The following HNRNPL variants were observed in gnomAD, a reference collection of about 807,000 sequenced individuals.
HNRNPL encodes heterogeneous nuclear ribonucleoprotein L.
HNRNPL carries 12 observed loss-of-function variants against 64.0 expected under a neutral mutation model. That is an observed-to-expected ratio of 0.19 (90% confidence interval 0.12 to 0.30). HNRNPL has a LOEUF of 0.30. HNRNPL is among the 10% of genes least tolerant of loss of function. HNRNPL has a pLI of 1.00. For missense variants in HNRNPL, 484 were observed against 797.4 expected (o/e 0.61, Z 4.73); for synonymous variants, 385 against 313.0 (o/e 1.23, Z -2.43).
chr19:38,838,703 T>C (rs969634826), intron 9 of HNRNPL, 105 bp from the exon 10 acceptor site: 5 of 1,339,138 alleles, frequency 3.7e-6, no homozygotes, highest in South Asian at 3.7e-5. Context: ...CCTTGGGGCA[T>C]TGCTCTACAC....
intron 6 of HNRNPL, chr19:38,841,621 G>A (rs961038979): frequency 1.6e-6 from 2 of 1,267,768 alleles, no homozygotes; most frequent in Non-Finnish European, 2.1e-6. Flanking sequence ...ACCATTGGAC[G>A]CTTCAACAGT....
At chr19:38,845,423 C>T (rs191999029) in intron 4 of HNRNPL, 49 of 528,736 alleles carry the variant, frequency 9.3e-5, no homozygotes, top group Admixed American at 3.5e-4. Flanking sequence ...AAATAAATTC[C>T]TTTGTATCTC....
chr19:38,839,533 C>G (rs963259305), intron 8 of HNRNPL: 4 of 172,050 alleles, frequency 2.3e-5, no homozygotes, highest in African/African-American at 9.6e-5. Context: ...AGAAATTACA[C>G]AGGTCACTAC....
intron 4 of HNRNPL, chr19:38,845,442 C>G: frequency 1.7e-6 from 1 of 587,028 alleles, no homozygotes. Context: ...TCCCAACACA[C>G]TGCTCTCTCC....
intron 1 of HNRNPL, among the ~76,000 whole-genome samples, chr19:38,847,798 C>T (rs932405345): frequency 3.3e-5 from 5 of 152,212 alleles, no homozygotes; most frequent in Non-Finnish European, 5.9e-5. Context: ...AAAGGAGATA[C>T]ACTGGCAGCA....
At position 38,845,612 on chromosome 19, in the gene HNRNPL, C is replaced by T. The variant is rs751977648; in HGVS notation, c.710+38G>A. Reference sequence around the variant, plus strand: ...GCCACTGTCAAGCCCTGCAAGAGTCCCTACCCTAAGGAACACCTGTTTTCC... The same window carrying T: ...GCCACTGTCAAGCCCTGCAAGAGTCTCTACCCTAAGGAACACCTGTTTTCC... On this transcript the variant is annotated intron_variant, in intron 4 of 12. Coordinates refer to ENST00000221419, the MANE Select transcript of HNRNPL (RefSeq NM_001533.3). 2.6e-6 allele frequency: 4 copies of T among 1,532,166 alleles called. No individual in the cohort carries two copies. The South Asian group carries it at 3.4e-5, about 13-fold the overall frequency. 94.9% of individuals were successfully genotyped at this position (1,532,166 alleles called of 1,614,324 possible).
intron 8 of HNRNPL, 22 bp downstream of exon 8, chr19:38,840,074 A>T: frequency 6.2e-7 from 1 of 1,612,220 alleles, no homozygotes; most frequent in Non-Finnish European, 8.5e-7. Context: ...CGAGGAACCC[A>T]GGGGGCCCGG....
intron 1 of HNRNPL, among the ~76,000 whole-genome samples, chr19:38,848,047 G>A (rs1345642855): frequency 6.6e-6 from 1 of 152,154 alleles, no homozygotes; most frequent in Non-Finnish European, 1.5e-5. Context: ...ATCTGCTTTG[G>A]AAATTACTGC....
chr19:38,844,817 T>C (rs1209120435), intron 4 of HNRNPL: 1 of 151,782 alleles, frequency 6.6e-6, no homozygotes, highest in Non-Finnish European at 1.5e-5. Flanking sequence ...GCTCAAGCGA[T>C]TCTCCTGCCT....
upstream of HNRNPL, among the ~76,000 whole-genome samples, chr19:38,850,877 TG>T (rs1463647533): frequency 2.6e-5 from 4 of 152,344 alleles, no homozygotes; most frequent in Non-Finnish European, 5.9e-5. Context: ...CAGTTTCCCT[TG>T]GGAGAAGGCT....
At chr19:38,848,984 C>T (rs1277305451) in intron 1 of HNRNPL, among the ~76,000 whole-genome samples, 2 of 152,018 alleles carry the variant, frequency 1.3e-5, no homozygotes, top group Admixed American at 1.3e-4. Context: ...CTGGTGTTTT[C>T]GGAGGGACTG....
chr19:38,841,417 C>T (rs1467494970), intron 6 of HNRNPL: 1 of 365,128 alleles, frequency 2.7e-6, no homozygotes, highest in Non-Finnish European at 5.4e-6. Flanking sequence ...AGTCACAAAG[C>T]AAGACAGTGG....
In HNRNPL at chr19:38,836,631, C is replaced by T. The variant is rs572631534; in HGVS notation, c.*91G>A. On this transcript the variant is annotated 3_prime_UTR_variant, in exon 13 of 13. Coordinates refer to ENST00000221419, the MANE Select transcript of HNRNPL (RefSeq NM_001533.3). Reference sequence around the variant, plus strand: ...AAAAAAAAAAAAAAAAAAAGGAATACAAGATCTTTTGCAAATAACAAAAAC... The same window carrying T: ...AAAAAAAAAAAAAAAAAAAGGAATATAAGATCTTTTGCAAATAACAAAAAC... The T allele has an allele frequency of 9.1e-5, 25 of 274,732 alleles. No homozygotes were observed. The highest frequency in any genetic ancestry group is 1.5e-4 in the Non-Finnish European group (24 of 155,364). The allele number at this position is 274,732 out of a possible 1,614,324, so 17.0% of individuals were successfully genotyped here.
chr19:38,840,316 G>A lies in HNRNPL; in HGVS notation c.1013C>T (p.Pro338Leu). 1 of 1,549,894 alleles carries A rather than the reference G, an allele frequency of 6.5e-7. No homozygotes were observed. Among genetic ancestry groups the A allele is most frequent in the Non-Finnish European group, 8.8e-7 (1 of 1,142,464 alleles). Residue 338 changes from proline to leucine, a missense_variant, in exon 8 of 13, where the codon CCT (proline) becomes CTT (leucine). Physicochemically the swap from Pro to Leu is moderately conservative, Grantham distance 98. This residue lies in a region of HNRNPL where 46 missense variants were observed against 37.4 expected (regional missense o/e 1.23). Transcript: ENST00000221419. ...YHDEGYGPPP[P>L]HYEGRRMGPP... ...ACCCATCCTTCTCCCTTCGTAGTGAGGTGGGGGGGGCCCGTAGCCCTCATC... is the reference window on the plus strand; with the variant it reads ...ACCCATCCTTCTCCCTTCGTAGTGAAGTGGGGGGGGCCCGTAGCCCTCATC...
At position 38,843,926 on chromosome 19, in the gene HNRNPL, G is replaced by C. The variant is rs184836083; in HGVS notation, c.808-12C>G. The C allele has an allele frequency of 6.2e-7, 1 of 1,614,012 alleles. No homozygotes were observed. Among genetic ancestry groups the C allele is most frequent in the African/African-American group, 1.3e-5 (1 of 75,052 alleles). ...TTCAAGCGTGTAGGCTGCAAGGACA[G>C]GACAAGACAAGACTTGAGGTCAGCC... On this transcript the variant is annotated splice_polypyrimidine_tract_variant and intron_variant, in intron 5 of 12. Transcript: ENST00000221419.
chr19:38,841,758 T>TA, intron 6 of HNRNPL: 1 of 583,340 alleles, frequency 1.7e-6, no homozygotes, highest in Non-Finnish European at 2.9e-6. Context: ...AGAATTGTTT[T>TA]AAAAGTCAAT....
chr19:38,836,854 AC>A, intron 12 of HNRNPL, 74 bp from the exon 13 acceptor site: 2 of 1,107,508 alleles, frequency 1.8e-6, no homozygotes, highest in Non-Finnish European at 2.7e-6. Flanking sequence ...TCAAGTTTGT[AC>A]CCATCTCCCA....
intron 8 of HNRNPL, 102 bp from the exon 9 acceptor site, chr19:38,839,117 TGTCCTCACA>T (rs1972025686): frequency 7.0e-7 from 1 of 1,438,512 alleles, no homozygotes; most frequent in Admixed American, 1.7e-5. Flanking sequence ...TGGCCTCCCA[TGTCCTCACA>T]GTTAATCGGG....
chr19:38,838,744 G>T, intron 9 of HNRNPL, 146 bp from the exon 10 acceptor site: 1 of 1,303,910 alleles, frequency 7.7e-7, no homozygotes, highest in Non-Finnish European at 1.1e-6. Flanking sequence ...TTTCTCCTGT[G>T]GTGTCAGAGA....
Sources: allele counts gnomAD v4.1 joint callset (sites outside exome capture counted in the v4.1 genomes callset), GRCh38; gene constraint gnomAD v4.1.1; regional missense constraint gnomAD v4.1.1; transcripts MANE v1.5; gene names NCBI Gene and HGNC (gene_info 2026-07-23, HGNC 2026-07-21).